CDH13: variants seen among roughly 807,000 people sequenced by gnomAD.
CDH13 encodes the protein cadherin-13.
In CDH13, 24 loss-of-function variants were observed where a neutral mutation model predicts 63.8. The ratio of observed to expected loss-of-function variants is 0.38; its 90% confidence interval spans 0.27 to 0.53. The LOEUF is 0.53. CDH13 is among the 20% of genes least tolerant of loss of function. CDH13 has a pLI of 0.85. For synonymous variants in CDH13, 503 were observed against 355.3 expected (o/e 1.42, Z -4.67); for missense variants, 1,049 against 903.1 (o/e 1.16, Z -2.07).
At chr16:83,291,619 A>G (rs142715312) in intron 5 of CDH13, among the ~76,000 whole-genome samples, 1 of 152,166 alleles carries the variant, frequency 6.6e-6, no homozygotes, top group African/African-American at 2.4e-5. Context: ...AGAGACCAAG[A>G]TAGTTTTCTT....
At chr16:83,030,467 C>T (rs1490971412) in intron 2 of CDH13, among the ~76,000 whole-genome samples, 1 of 151,482 alleles carries the variant, frequency 6.6e-6, no homozygotes, top group Admixed American at 6.6e-5. Flanking sequence ...CATGGTGAAA[C>T]CCCCATCTCT....
intron 2 of CDH13, among the ~76,000 whole-genome samples, chr16:82,934,989 C>T (rs1053996083): frequency 6.6e-6 from 1 of 152,198 alleles, no homozygotes; most frequent in African/African-American, 2.4e-5. Context: ...AAAGTCACTT[C>T]CACATTTTTG....
chr16:83,495,910 T>C (rs2074131023), intron 7 of CDH13, among the ~76,000 whole-genome samples: 1 of 152,044 alleles, frequency 6.6e-6, no homozygotes, highest in South Asian at 2.1e-4. Flanking sequence ...CCATTCACAA[T>C]TGCTTCAAAG....
chr16:82,676,805 C>A (rs58832736), intron 1 of CDH13, among the ~76,000 whole-genome samples: 3,760 of 152,270 alleles, frequency 0.025, 108 homozygotes, highest in African/African-American at 0.077. Flanking sequence ...CACCCCAGTC[C>A]TTGTTAAGTT....
intron 6 of CDH13, among the ~76,000 whole-genome samples, chr16:83,363,987 C>G (rs1350557735): frequency 6.6e-6 from 1 of 152,118 alleles, no homozygotes; most frequent in African/African-American, 2.4e-5. Flanking sequence ...GACATTAATA[C>G]TTCTTGAATC....
chr16:82,907,504 T>G (rs183476457), intron 2 of CDH13, among the ~76,000 whole-genome samples: 100 of 152,342 alleles, frequency 6.6e-4, no homozygotes, highest in Admixed American at 1.8e-3. Context: ...GGTCCATTCA[T>G]TTCTGCATTA....
chr16:83,604,362 A>T (rs1402923488), intron 8 of CDH13, among the ~76,000 whole-genome samples: 3 of 152,224 alleles, frequency 2.0e-5, no homozygotes, highest in Admixed American at 6.5e-5. Flanking sequence ...CACCAGTTCT[A>T]ATTAGTTCCA....
chr16:83,467,482 C>T (rs181075106), intron 6 of CDH13, among the ~76,000 whole-genome samples: 2 of 152,002 alleles, frequency 1.3e-5, no homozygotes, highest in South Asian at 2.1e-4. Context: ...GGAGCTGGCG[C>T]CTTACAGCTC....
intron 2 of CDH13, among the ~76,000 whole-genome samples, chr16:83,006,466 A>G (rs1177995799): frequency 6.6e-6 from 1 of 152,140 alleles, no homozygotes; most frequent in Non-Finnish European, 1.5e-5. Flanking sequence ...GACAAATCAA[A>G]GGCTAAGCCT....
rs2039620333 is a variant in CDH13, at chr16:82,854,693, T to C, written c.46-3669T>C. Among the ~76,000 whole-genome samples the C allele has an allele frequency of 2.0e-5, 3 of 152,220 alleles. No individual in the cohort carries two copies. The South Asian group carries it at 6.2e-4, about 32-fold the overall frequency. ...TTTGAGATCCCAGCAGAAATGTCTC[T>C]TTTGTGGTTTTGCTTTCCTTGATGC... is the stretch of plus-strand genomic sequence containing the variant. On this transcript the variant is annotated intron_variant, in intron 1 of 13. Coordinates refer to ENST00000567109, the MANE Select transcript of CDH13 (RefSeq NM_001257.5).
At chr16:83,123,073 T>G (rs1014944277) in intron 3 of CDH13, among the ~76,000 whole-genome samples, 6 of 152,178 alleles carry the variant, frequency 3.9e-5, no homozygotes, top group African/African-American at 1.4e-4. Flanking sequence ...TCTTCCGGCT[T>G]CATCCATGTG....
intron 8 of CDH13, among the ~76,000 whole-genome samples, chr16:83,646,487 G>T (rs973746374): frequency 3.3e-5 from 5 of 151,928 alleles, no homozygotes; most frequent in Admixed American, 2.0e-4. Context: ...GATCACCTGA[G>T]GTCAGGAGTT....
At chr16:83,476,161 A>T (rs1283732207) in intron 6 of CDH13, among the ~76,000 whole-genome samples, 1 of 152,228 alleles carries the variant, frequency 6.6e-6, no homozygotes, top group Non-Finnish European at 1.5e-5. Context: ...CTCTTAATAC[A>T]TGCAAAGCAT....
At chr16:83,237,468 C>T (rs984651933) in intron 5 of CDH13, among the ~76,000 whole-genome samples, 2 of 152,240 alleles carry the variant, frequency 1.3e-5, no homozygotes, top group Non-Finnish European at 2.9e-5. Flanking sequence ...ACTGCACCGT[C>T]CAATAAGGAA....
intron 4 of CDH13, among the ~76,000 whole-genome samples, chr16:83,128,010 C>T (rs887492562): frequency 6.6e-6 from 1 of 152,126 alleles, no homozygotes; most frequent in Non-Finnish European, 1.5e-5. Context: ...GGACCTGACT[C>T]CCCACTTCTT....
At chr16:83,455,566 C>A (rs935976380) in intron 6 of CDH13, among the ~76,000 whole-genome samples, 1 of 152,172 alleles carries the variant, frequency 6.6e-6, no homozygotes, top group Non-Finnish European at 1.5e-5. Flanking sequence ...CATTGCTACA[C>A]GTGGCTCCTT....
intron 7 of CDH13, among the ~76,000 whole-genome samples, chr16:83,537,270 C>T (rs1053278904): frequency 6.6e-6 from 1 of 152,128 alleles, no homozygotes; most frequent in African/African-American, 2.4e-5. Flanking sequence ...GCATGACTTT[C>T]CTGAGCCAAC....
intron 7 of CDH13, among the ~76,000 whole-genome samples, chr16:83,580,431 T>A (rs945243163): frequency 1.4e-5 from 2 of 147,370 alleles, no homozygotes; most frequent in Non-Finnish European, 3.0e-5. Context: ...CAGCACCCAG[T>A]TTTCATTTCT....
At chr16:83,377,468 G>T (rs961200441) in intron 6 of CDH13, among the ~76,000 whole-genome samples, 1 of 152,018 alleles carries the variant, frequency 6.6e-6, no homozygotes, top group Admixed American at 6.6e-5. Context: ...CTCTTTGATG[G>T]GACTGTCAAA....
Sources: allele counts gnomAD v4.1 joint callset (sites outside exome capture counted in the v4.1 genomes callset), GRCh38; gene constraint gnomAD v4.1.1; transcripts MANE v1.5; gene names NCBI Gene and HGNC (gene_info 2026-07-23, HGNC 2026-07-21).